The following RABAC1 variants were observed in gnomAD, a reference collection of about 807,000 sequenced individuals.
RABAC1 encodes prenylated Rab acceptor protein 1.
In RABAC1, 16 loss-of-function variants were observed where a neutral mutation model predicts 22.9. That is an observed-to-expected ratio of 0.70 (90% CI 0.47 to 1.06). RABAC1 has a LOEUF of 1.06. RABAC1 is among the 50% of genes least tolerant of loss of function. The pLI is 0.00. For missense variants in RABAC1, 227 were observed against 246.5 expected (o/e 0.92, Z 0.53); for synonymous variants, 139 against 107.7 (o/e 1.29, Z -1.80).
At chr19:41,958,165 C>T in intron 3 of RABAC1, 121 bp downstream of exon 3, 1 of 868,138 alleles carries the variant, frequency 1.2e-6, no homozygotes, top group South Asian at 1.5e-5. Flanking sequence ...ATCTAGTGTA[C>T]ATCTAGGCTT....
At chr19:41,958,993 C>T (rs1256432053) in intron 1 of RABAC1, 45 bp from the exon 2 acceptor site, 3 of 1,502,564 alleles carry the variant, frequency 2.0e-6, no homozygotes, top group South Asian at 2.5e-5. Context: ...GGATGGAGCC[C>T]CAGACCCCCG....
At chr19:41,958,641 G>A in intron 2 of RABAC1, 95 bp downstream of exon 2, 1 of 1,351,022 alleles carries the variant, frequency 7.4e-7, no homozygotes, top group East Asian at 2.5e-5. Context: ...GCGGTGAGAG[G>A]AGGGACCGGG....
rs1555857383 is a variant in RABAC1, at chr19:41,959,288, G to A, written c.5C>T (p.Ala2Val). Residue 2 changes from alanine (A) to valine (V), a missense_variant, in exon 1 of 5, where the codon GCA becomes GTA. Coordinates refer to ENST00000222008, the MANE Select transcript of RABAC1 (RefSeq NM_006423.3). M[A>V]AQKDQQKDAE... is the part of the protein sequence containing the mutation. ...ATCTTTCTGCTGGTCCTTCTGCGCT[G>A]CCATGTCTGCGTCGTGAGGGGTAGA... The A allele has an allele frequency of 1.2e-6, 2 of 1,613,724 alleles. No homozygotes were observed. Among genetic ancestry groups the A allele is most frequent in the African/African-American group, 1.3e-5 (1 of 75,058 alleles).
rs782599906 is a variant in RABAC1 at position 41,958,716 on chromosome 19, G to C, written c.269+20C>G. On this transcript the variant is annotated intron_variant, in intron 2 of 4. Transcript: ENST00000222008. ...AGCCGGTCGGGGCTAGTGCGGGTGC[G>C]GGGCCCGGGAGGCACTCACACACAG... is the stretch of plus-strand genomic sequence containing the variant. 2 of 1,604,322 alleles carry C rather than the reference G, an allele frequency of 1.2e-6. No homozygotes were observed. The highest frequency in any genetic ancestry group is 1.1e-5 in the South Asian group (1 of 90,206).
At position 41,958,839 on chromosome 19, in the gene RABAC1, G is replaced by A. The variant is rs1555857181; in HGVS notation, c.166C>T (p.Arg56Trp). 2 of 1,609,622 alleles carry A rather than the reference G, an allele frequency of 1.2e-6. No individual in the cohort carries two copies. Among genetic ancestry groups the A allele is most frequent in the Non-Finnish European group, 1.7e-6 (2 of 1,179,696 alleles). ...CACAGCTCTCCCAGGTTGCGGGGCC[G>A]TGAGAAGCGCTGCTGGTCCACGAAG... ...STFVDQQRFS[R>W]PRNLGELCQR... Residue 56 changes from arginine (R) to tryptophan (W), a missense_variant, in exon 2 of 5, where the codon CGG (arginine) becomes TGG (tryptophan). Arg to Trp is a moderately radical substitution (Grantham distance 101). Transcript: ENST00000222008.
intron 2 of RABAC1, 148 bp from the exon 3 acceptor site, chr19:41,958,531 G>A: frequency 1.1e-6 from 1 of 919,484 alleles, no homozygotes; most frequent in Non-Finnish European, 1.7e-6. Context: ...ATCCTGGCCA[G>A]GGTGATGGTG....
chr19:41,959,126 C>G (rs1025055243), intron 1 of RABAC1, 111 bp downstream of exon 1: 2 of 1,490,036 alleles, frequency 1.3e-6, no homozygotes, highest in East Asian at 2.4e-5. Flanking sequence ...GGGGCCAACA[C>G]TTCTGCGGCT....
intron 1 of RABAC1, 90 bp from the exon 2 acceptor site, chr19:41,959,038 C>T: frequency 7.2e-7 from 1 of 1,388,374 alleles, no homozygotes; most frequent in Non-Finnish European, 9.6e-7. Flanking sequence ...TGGACTCCCT[C>T]CCGGGACCCC....
chr19:41,957,129 G>A lies in RABAC1; in HGVS notation c.368-10C>T. The A allele has an allele frequency of 6.2e-7, 1 of 1,611,286 alleles. No individual in the cohort carries two copies. Among genetic ancestry groups the A allele is most frequent in the South Asian group, 1.1e-5 (1 of 90,938 alleles). On this transcript the variant is annotated splice_polypyrimidine_tract_variant and intron_variant, in intron 3 of 4. Coordinates refer to ENST00000222008, the MANE Select transcript of RABAC1 (RefSeq NM_006423.3). Reference sequence around the variant, plus strand: ...GGGCTCACCTCTCGGCCTGGGGGCAGATGGCATTGGGGTGCTGTTCCGACT... The same window carrying A: ...GGGCTCACCTCTCGGCCTGGGGGCAAATGGCATTGGGGTGCTGTTCCGACT...
chr19:41,959,064 A>C, intron 1 of RABAC1, 116 bp from the exon 2 acceptor site: 1 of 1,334,114 alleles, frequency 7.5e-7, no homozygotes, highest in East Asian at 2.5e-5. Flanking sequence ...CCTGTACAGC[A>C]GGCAGGGAGG....
At chr19:41,959,191 G>A in intron 1 of RABAC1, 46 bp downstream of exon 1, 1 of 1,610,898 alleles carries the variant, frequency 6.2e-7, no homozygotes, top group South Asian at 1.1e-5. Flanking sequence ...CCGGGGGCCC[G>A]GACTCCCGGG....
rs145793297 is a variant in RABAC1 at position 41,959,277 on chromosome 19, C to G, written c.16G>C (p.Asp6His). The G allele has an allele frequency of 3.7e-6, 6 of 1,613,718 alleles. No individual in the cohort carries two copies. Among genetic ancestry groups the G allele is most frequent in the Non-Finnish European group, 5.1e-6 (6 of 1,179,942 alleles). Residue 6 changes from aspartate to histidine, a missense_variant, in exon 1 of 5, where the codon GAC (aspartate) becomes CAC (histidine). Asp to His is a moderately conservative substitution (Grantham distance 81). Coordinates refer to ENST00000222008, the MANE Select transcript of RABAC1 (RefSeq NM_006423.3). ...TCCGCCTCGGCATCTTTCTGCTGGTCCTTCTGCGCTGCCATGTCTGCGTCG... is the reference window on the plus strand; with the variant it reads ...TCCGCCTCGGCATCTTTCTGCTGGTGCTTCTGCGCTGCCATGTCTGCGTCG... MAAQK[D>H]QQKDAEAEGL...
chr19:41,958,490 G>T, intron 2 of RABAC1, 107 bp from the exon 3 acceptor site: 1 of 1,107,646 alleles, frequency 9.0e-7, no homozygotes, highest in Non-Finnish European at 1.3e-6. Context: ...CTGGAGACCA[G>T]GGAGGGCCAG....
In RABAC1 at chr19:41,958,321, T is replaced by C. The variant is rs1555857001; in HGVS notation, c.332A>G (p.Tyr111Cys). 8.7e-6 allele frequency: 14 copies of C among 1,613,264 alleles called. No homozygotes were observed. Among genetic ancestry groups the C allele is most frequent in the African/African-American group, 2.7e-5 (2 of 74,854 alleles). Residue 111 changes from tyrosine (Y) to cysteine (C), a missense_variant, in exon 3 of 5, where the codon TAT becomes TGT. Transcript: ENST00000222008. ...AVFFGACYIL[Y>C]LRTLESKLVL... ...AAGCTTGGACTCCAAGGTGCGCAGA[T>C]AGAGAATGTAACAGGCGCCGAAAAA...
In RABAC1 at chr19:41,958,375, G is replaced by A. The variant is rs1367662568; in HGVS notation, c.278C>T (p.Ser93Phe). The A allele has an allele frequency of 6.2e-7, 1 of 1,613,236 alleles. No homozygotes were observed. Among genetic ancestry groups the A allele is most frequent in the Admixed American group, 1.7e-5 (1 of 59,918 alleles). ...LGLILYCVVT[S>F]PMLLVALAVF... ...AGCCAGAGCCACCAGCAACATAGGG[G>A]ACGTCACCCTGGAGGAGGAGTGCAG... is the stretch of plus-strand genomic sequence containing the variant. Residue 93 changes from serine (S) to phenylalanine (F), a missense_variant, in exon 3 of 5, where the codon TCC (serine) becomes TTC (phenylalanine). Coordinates refer to ENST00000222008, the MANE Select transcript of RABAC1 (RefSeq NM_006423.3).
intron 3 of RABAC1, 132 bp downstream of exon 3, chr19:41,958,154 G>A: frequency 2.6e-6 from 2 of 761,234 alleles, no homozygotes; most frequent in Non-Finnish European, 4.4e-6. Flanking sequence ...AGGTTTGGGG[G>A]ATCTAGTGTA....
chr19:41,957,630 G>A (rs1311865767), intron 3 of RABAC1: 2 of 157,532 alleles, frequency 1.3e-5, no homozygotes, highest in African/African-American at 4.8e-5. Context: ...GCCAAGTCGT[G>A]CCTGTGCTTC....
chr19:41,957,201 G>A (rs934815052), intron 3 of RABAC1, 82 bp from the exon 4 acceptor site: 12 of 1,186,730 alleles, frequency 1.0e-5, no homozygotes, highest in East Asian at 2.5e-5. Context: ...CCAACAATCC[G>A]TACAAGCTCC....
At chr19:41,957,812 A>G (rs1555856907) in intron 3 of RABAC1, 1 of 163,656 alleles carries the variant, frequency 6.1e-6, no homozygotes, top group East Asian at 1.8e-4. Flanking sequence ...GGTCCTTGGT[A>G]CTACTAGTCT....
Sources: gnomAD v4.1 joint callset for allele counts on GRCh38, gnomAD v4.1.1 for gene constraint, MANE v1.5 for transcripts, NCBI Gene and HGNC (gene_info 2026-07-23, HGNC 2026-07-21) for gene names.